FERMT1: variants seen among roughly 807,000 people sequenced by gnomAD.
FERMT1 encodes fermitin family homolog 1.
In FERMT1, 60 loss-of-function variants were observed where a neutral mutation model predicts 85.3. The observed-to-expected ratio is 0.70, with a 90% CI of 0.57 to 0.87. The LOEUF (loss-of-function observed/expected upper bound fraction) is 0.87, where lower values mean the gene tolerates loss of function less well. Among genes scored for constraint, FERMT1 ranks in the 40% least tolerant of loss-of-function variants. The pLI is 0.00. For synonymous variants in FERMT1, 275 were observed against 301.1 expected, an observed-to-expected ratio of 0.91 and a Z score of 0.90; for missense variants, 701 against 818.9, an observed-to-expected ratio of 0.86 and a Z score of 1.76.
At chr20:6,077,451 A>ATCCATCTGTTATCC in intron 14 of FERMT1, 105 bp from the exon 15 acceptor site, 10 of 1,034,500 alleles carry the variant, frequency 9.7e-6, no homozygotes, top group Non-Finnish European at 1.5e-5. Context: ...TGAGGTGGAT[A>ATCCATCTGTTATCC]ACAGATGGAT....
intron 11 of FERMT1, among the ~76,000 whole-genome samples, chr20:6,086,651 G>A (rs1376538123): frequency 6.6e-6 from 1 of 152,132 alleles, no homozygotes; most frequent in African/African-American, 2.4e-5. Flanking sequence ...GGATCATGGG[G>A]GCAGATATAC....
Position 6,096,999 on chromosome 20 carries a change from G to A in FERMT1, c.992C>T (p.Thr331Ile), listed in dbSNP as rs760882705. ...CTCGGACTCGCCTGCAAAATCCTGT[G>A]TTTCAGCAGACAACGACAGTTTGCT... ...HISKLSLSAE[T>I]QDFAGESEVD... The change falls in exon 8 of 15, where the codon ACA becomes ATA. Residue 331 changes from threonine (T) to isoleucine (I), a missense_variant. Thr to Ile is a moderately conservative substitution (Grantham distance 89). Coordinates refer to ENST00000217289, the MANE Select transcript of FERMT1 (RefSeq NM_017671.5). 6.2e-7 allele frequency: 1 copy of A among 1,613,932 alleles called. No homozygotes were observed. Among genetic ancestry groups the A allele is most frequent in the Non-Finnish European group, 8.5e-7 (1 of 1,179,898 alleles).
intron 2 of FERMT1, among the ~76,000 whole-genome samples, chr20:6,118,201 G>A (rs1983161122): frequency 6.6e-6 from 1 of 152,174 alleles, no homozygotes. Context: ...ATATTATATG[G>A]TAATGAAAAC....
chr20:6,084,851 G>A (rs1021311508), intron 12 of FERMT1, among the ~76,000 whole-genome samples: 4 of 152,122 alleles, frequency 2.6e-5, no homozygotes, highest in South Asian at 2.1e-4. Context: ...GCACCACCAC[G>A]TCTGACTGAT....
chr20:6,090,821 A>C (rs1982335603), intron 9 of FERMT1, among the ~76,000 whole-genome samples: 1 of 152,168 alleles, frequency 6.6e-6, no homozygotes, highest in South Asian at 2.1e-4. Flanking sequence ...TTTGAAAAAC[A>C]TTATATGAAC....
chr20:6,076,313 T>C lies in FERMT1; in HGVS notation c.*860A>G, dbSNP rs1482911489. On this transcript the variant is annotated 3_prime_UTR_variant, in exon 15 of 15. Transcript: ENST00000217289. ...TCCTTGACACTGGCAGGTGTTTCTA[T>C]GAACAGAGAGGACTGTGCCTGTCTT... 1 of 400,002 alleles carries C rather than the reference T, an allele frequency of 2.5e-6. No homozygotes were observed. The highest frequency in any genetic ancestry group is 5.0e-6 in the Non-Finnish European group (1 of 199,506). The allele number at this position is 400,002 out of a possible 1,614,324, so 24.8% of individuals were successfully genotyped here.
rs756163224 is a variant in FERMT1, at chr20:6,079,615, G to T, written c.1719-38C>A. ...ATAATATTAGTTAAGAGAAGCAACT[G>T]CTTCCTATAATACAATGTTCACTCA... On this transcript the variant is annotated intron_variant, in intron 13 of 14. Transcript: ENST00000217289. 3.2e-6 allele frequency: 5 copies of T among 1,572,496 alleles called. No homozygotes were observed. In the East Asian group the frequency reaches 6.7e-5, roughly 21 times the overall value.
chr20:6,091,147 A>T (rs556064128), intron 9 of FERMT1, among the ~76,000 whole-genome samples: 1 of 152,038 alleles, frequency 6.6e-6, no homozygotes, highest in South Asian at 2.1e-4. Context: ...TGGGTGACAG[A>T]GCAAGACTTC....
intron 4 of FERMT1, among the ~76,000 whole-genome samples, chr20:6,111,531 C>G (rs1982949018): frequency 6.6e-6 from 1 of 152,080 alleles, no homozygotes; most frequent in Non-Finnish European, 1.5e-5. Flanking sequence ...ACTCAGGAGG[C>G]TGAGGCATGA....
intron 10 of FERMT1, 110 bp downstream of exon 10, chr20:6,088,855 C>G: frequency 7.6e-6 from 8 of 1,056,858 alleles, no homozygotes; most frequent in Non-Finnish European, 1.0e-5. Context: ...AACTCCTGAC[C>G]TCAGGTGATC....
chr20:6,083,666 C>T (rs1186931515), intron 13 of FERMT1, among the ~76,000 whole-genome samples: 3 of 144,760 alleles, frequency 2.1e-5, no homozygotes, highest in Admixed American at 6.9e-5. Context: ...CCCCCCCCCC[C>T]GGCCACCCTC....
chr20:6,094,291 G>C (rs1423118583), intron 9 of FERMT1: 1 of 152,226 alleles, frequency 6.6e-6, no homozygotes, highest in African/African-American at 2.4e-5. Flanking sequence ...ACATACGCTG[G>C]CACCATTGCA....
At chr20:6,085,992 A>T (rs1443634156) in intron 11 of FERMT1, among the ~76,000 whole-genome samples, 1 of 151,996 alleles carries the variant, frequency 6.6e-6, no homozygotes, top group African/African-American at 2.4e-5. Flanking sequence ...ATACAAAAAA[A>T]TTAGCCAGGC....
chr20:6,111,639 A>G (rs1236630196), intron 4 of FERMT1, among the ~76,000 whole-genome samples: 2 of 142,272 alleles, frequency 1.4e-5, no homozygotes, highest in Non-Finnish European at 3.0e-5. Context: ...CTAAAAAAAC[A>G]AAACAAAACA....
chr20:6,094,416 A>G lies in FERMT1; in HGVS notation c.1139+523T>C, dbSNP rs184166046. 2.6e-5 allele frequency among the ~76,000 whole-genome samples: 4 copies of G among 152,386 alleles called. No homozygotes were observed. In the East Asian group the frequency reaches 7.7e-4, roughly 29 times the overall value. ...TTATCAGAAGTACTTAAACAGGTAG[A>G]TAAACTAAGGTGACTACTCTCTGTA... On this transcript the variant is annotated intron_variant, in intron 9 of 14. Transcript: ENST00000217289.
In FERMT1 at chr20:6,104,295, C is replaced by T. The variant is rs2123130721; in HGVS notation, c.849+3237G>A. On this transcript the variant is annotated intron_variant, in intron 6 of 14. Coordinates refer to ENST00000217289, the MANE Select transcript of FERMT1 (RefSeq NM_017671.5). The surrounding 1 kb of genome is among the most constrained non-coding windows in gnomAD (Gnocchi z 4.2). ...TGAAAGCCAGAGAAGCTCTCTAGTC[C>T]TCACTGTAGATTTTAGTTTCTACTT... 6.6e-6 allele frequency among the ~76,000 whole-genome samples: 1 copy of T among 152,294 alleles called. No individual in the cohort carries two copies. Among genetic ancestry groups the T allele is most frequent in the South Asian group, 2.1e-4 (1 of 4,828 alleles).
At chr20:6,119,706 C>A (rs1351170349) in intron 1 of FERMT1, 134 bp from the exon 2 acceptor site, 1 of 670,054 alleles carries the variant, frequency 1.5e-6, no homozygotes, top group East Asian at 2.7e-5. Context: ...CTGCAAGGTT[C>A]CAGGTGCTCC....
chr20:6,097,122 C>T, intron 7 of FERMT1, 89 bp from the exon 8 acceptor site: 1 of 1,315,874 alleles, frequency 7.6e-7, no homozygotes. Context: ...TCTTTGAGGA[C>T]TATTCCCTTG....
chr20:6,106,913 T>C (rs1230541808), intron 6 of FERMT1, among the ~76,000 whole-genome samples: 1 of 152,048 alleles, frequency 6.6e-6, no homozygotes, highest in African/African-American at 2.4e-5. Flanking sequence ...GAACTTCAGT[T>C]CTGGCCAGAT....
Sources: gnomAD v4.1 joint callset for allele counts (sites outside exome capture counted in the v4.1 genomes callset) on GRCh38, gnomAD v4.1.1 for gene constraint, Gnocchi (gnomAD v3.1) non-coding constraint, MANE v1.5 for transcripts, NCBI Gene and HGNC (gene_info 2026-07-23, HGNC 2026-07-21) for gene names.